Variants in UST observed in about 807,000 individuals in gnomAD.
UST encodes chondroitin sulfate 2-O-sulfotransferase.
A neutral mutation model predicts 45.6 loss-of-function variants in UST; 21 were observed. The ratio of observed to expected loss-of-function variants is 0.46; its 90% CI spans 0.33 to 0.66. UST has a LOEUF of 0.66. Ranked by LOEUF, UST falls within the 30% of genes least tolerant of loss-of-function variation. The pLI, the probability that UST is intolerant of heterozygous loss-of-function variation, is 0.02. For missense variants in UST, 463 were observed against 512.4 expected (o/e 0.90, Z 0.93); for synonymous variants, 215 against 200.6 (o/e 1.07, Z -0.61).
intron 1 of UST, among the ~76,000 whole-genome samples, chr6:148,885,046 C>T (rs1182527655): frequency 1.3e-5 from 2 of 152,032 alleles, no homozygotes; most frequent in African/African-American, 4.8e-5. Flanking sequence ...GTGTGAGATG[C>T]CTTTAGACAT....
chr6:148,957,228 T>C (rs1044681092), intron 4 of UST, among the ~76,000 whole-genome samples: 35 of 152,360 alleles, frequency 2.3e-4, no homozygotes, highest in Admixed American at 2.0e-3. Flanking sequence ...TACCAGGGCC[T>C]GGGCCCTTAG....
intron 5 of UST, among the ~76,000 whole-genome samples, chr6:148,983,205 A>G (rs751411770): frequency 2.0e-5 from 3 of 152,232 alleles, no homozygotes; most frequent in Non-Finnish European, 2.9e-5. Context: ...TCACCAAGAT[A>G]GCCTTATTAG....
chr6:148,977,477 C>T (rs955265730), intron 5 of UST, among the ~76,000 whole-genome samples: 2 of 151,976 alleles, frequency 1.3e-5, no homozygotes, highest in Admixed American at 6.6e-5. Flanking sequence ...CAGGGTCGGG[C>T]GTGGTGGCTC....
chr6:148,979,946 G>A (rs1293392141), intron 5 of UST, among the ~76,000 whole-genome samples: 1 of 152,112 alleles, frequency 6.6e-6, no homozygotes, highest in African/African-American at 2.4e-5. Context: ...TATGTGCAAA[G>A]CCCAGGTGTT....
intron 7 of UST, among the ~76,000 whole-genome samples, chr6:149,055,791 G>C (rs958895303): frequency 3.9e-5 from 6 of 152,122 alleles, no homozygotes; most frequent in Non-Finnish European, 7.3e-5. Flanking sequence ...TTTCATGCTT[G>C]TGCTGCATCA....
At chr6:148,921,727 A>T (rs1473449390) in intron 2 of UST, among the ~76,000 whole-genome samples, 2 of 152,170 alleles carry the variant, frequency 1.3e-5, no homozygotes, top group Non-Finnish European at 2.9e-5. Flanking sequence ...CTTGTGGGTT[A>T]TGGAAGCACA....
intron 4 of UST, among the ~76,000 whole-genome samples, chr6:148,964,049 T>C (rs941503690): frequency 6.6e-6 from 1 of 152,216 alleles, no homozygotes; most frequent in African/African-American, 2.4e-5. Flanking sequence ...TTCTAGCCAT[T>C]GGAAATACTA....
intron 1 of UST, among the ~76,000 whole-genome samples, chr6:148,778,363 C>T (rs1262388979): frequency 1.3e-5 from 2 of 152,040 alleles, no homozygotes; most frequent in Non-Finnish European, 2.9e-5. Flanking sequence ...AGATTTTTTT[C>T]TTGGTCTTAT....
chr6:148,971,061 TAGC>T (rs1180383776), intron 5 of UST, among the ~76,000 whole-genome samples: 4 of 152,138 alleles, frequency 2.6e-5, no homozygotes, highest in Non-Finnish European at 4.4e-5. Context: ...AAGGATAACT[TAGC>T]AGGGGGGAGA....
chr6:148,918,955 A>C (rs1161542120), intron 2 of UST, among the ~76,000 whole-genome samples: 2 of 152,198 alleles, frequency 1.3e-5, no homozygotes, highest in Non-Finnish European at 2.9e-5. Flanking sequence ...TGAATAGAGA[A>C]AACCAAGATA....
chr6:148,954,079 C>T (rs1780428057), intron 4 of UST, 128 bp downstream of exon 4: 1 of 579,384 alleles, frequency 1.7e-6, no homozygotes, highest in Admixed American at 4.1e-5. Context: ...TTTATTTTTG[C>T]TACGGAGGGA....
intron 1 of UST, among the ~76,000 whole-genome samples, chr6:148,800,718 C>T (rs1472853625): frequency 1.3e-5 from 2 of 151,154 alleles, no homozygotes; most frequent in Non-Finnish European, 2.9e-5. Flanking sequence ...AATGCAGCCT[C>T]CTCACCCACC....
intron 1 of UST, among the ~76,000 whole-genome samples, chr6:148,755,656 T>C (rs954396167): frequency 1.1e-4 from 16 of 143,428 alleles, no homozygotes; most frequent in Non-Finnish European, 1.4e-4. Context: ...TTTTTTTTTC[T>C]TTTTTTTTTT....
At position 148,925,010 on chromosome 6, in the gene UST, T is replaced by C. The variant is rs140762480; in HGVS notation, c.292-16269T>C. Among the ~76,000 whole-genome samples, 943 of 152,330 alleles carry C rather than the reference T, an allele frequency of 6.2e-3. 19 individuals carry two copies. Among genetic ancestry groups the C allele is most frequent in the Admixed American group, 0.041 (620 of 15,302 alleles). On this transcript the variant is annotated intron_variant, in intron 2 of 7. Transcript: ENST00000367463. ...ATTCATGTTTATGTTGAATTCCTCA[T>C]GCAGAAACTGATGCATTGCTTTTAC...
intron 7 of UST, among the ~76,000 whole-genome samples, chr6:149,033,107 T>C (rs1252506027): frequency 1.3e-5 from 2 of 152,246 alleles, no homozygotes; most frequent in African/African-American, 2.4e-5. Flanking sequence ...TTGATCTTTA[T>C]AAAAACGACC....
intron 1 of UST, among the ~76,000 whole-genome samples, chr6:148,776,093 G>A (rs149998078): frequency 4.6e-5 from 7 of 152,156 alleles, no homozygotes; most frequent in African/African-American, 1.7e-4. Context: ...CCAGAGAATT[G>A]TCCTTATTTA....
At chr6:148,927,497 G>T (rs1779839156) in intron 2 of UST, among the ~76,000 whole-genome samples, 1 of 152,152 alleles carries the variant, frequency 6.6e-6, no homozygotes, top group Non-Finnish European at 1.5e-5. Flanking sequence ...TAGAGAGCTT[G>T]AGTACCAGCT....
At chr6:148,967,200 C>G (rs983113660) in intron 5 of UST, among the ~76,000 whole-genome samples, 4 of 152,128 alleles carry the variant, frequency 2.6e-5, no homozygotes, top group African/African-American at 9.7e-5. Context: ...TGTAGGGGCT[C>G]CTTTCCAAAT....
At chr6:148,749,378 G>A (rs1247058749) in intron 1 of UST, among the ~76,000 whole-genome samples, 1 of 152,194 alleles carries the variant, frequency 6.6e-6, no homozygotes, top group Non-Finnish European at 1.5e-5. Flanking sequence ...ATCTGACAGT[G>A]AATTCTTGTG....
Sources: gnomAD v4.1 joint callset for allele counts (sites outside exome capture counted in the v4.1 genomes callset) on GRCh38, gnomAD v4.1.1 for gene constraint, MANE v1.5 for transcripts, NCBI Gene and HGNC (gene_info 2026-07-23, HGNC 2026-07-21) for gene names.